BCL2L14: variants seen among roughly 807,000 people sequenced by gnomAD.
The protein encoded by BCL2L14 is apoptosis facilitator Bcl-2-like protein 14.
Under a neutral mutation model 35.3 loss-of-function variants are expected in BCL2L14, and 27 were observed. That is an observed-to-expected ratio of 0.76 (90% CI 0.56 to 1.05). The LOEUF is 1.05. BCL2L14 is among the 50% of genes least tolerant of loss of function. The pLI, the probability that BCL2L14 is intolerant of heterozygous loss-of-function variation, is 0.00. For synonymous variants in BCL2L14, 139 were observed against 145.9 expected (o/e 0.95, Z 0.34); for missense variants, 377 against 382.6 (o/e 0.99, Z 0.12).
chr12:12,060,168 C>G (rs527269612), intron 2 of BCL2L14, among the ~76,000 whole-genome samples: 2 of 151,586 alleles, frequency 1.3e-5, no homozygotes, highest in South Asian at 2.1e-4. Flanking sequence ...TCCTCACACC[C>G]GGTCCGGCTT....
chr12:12,079,273 G>A, intron 1 of BCL2L14, 26 bp from the exon 2 acceptor site: 2 of 1,594,008 alleles, frequency 1.3e-6, no homozygotes, highest in South Asian at 1.1e-5. Context: ...GCATAGAAGG[G>A]CACAGTGTGG....
At chr12:12,085,678 G>A (rs1949027134) in intron 2 of BCL2L14, among the ~76,000 whole-genome samples, 1 of 152,178 alleles carries the variant, frequency 6.6e-6, no homozygotes, top group African/African-American at 2.4e-5. Flanking sequence ...GCCTTTCCGT[G>A]AATGGCTGGA....
intron 4 of BCL2L14, among the ~76,000 whole-genome samples, chr12:12,092,624 C>T (rs1174022816): frequency 6.6e-6 from 1 of 152,132 alleles, no homozygotes; most frequent in Non-Finnish European, 1.5e-5. Context: ...GTCTTTGTGG[C>T]GTTTGATTCT....
At chr12:12,082,474 A>G in intron 2 of BCL2L14, among the ~76,000 whole-genome samples, 1 of 152,210 alleles carries the variant, frequency 6.6e-6, no homozygotes. Flanking sequence ...AGACAGAGAA[A>G]GCTTTTACAG....
chr12:12,081,886 C>T (rs993873423), intron 2 of BCL2L14, among the ~76,000 whole-genome samples: 1 of 152,120 alleles, frequency 6.6e-6, no homozygotes, highest in Non-Finnish European at 1.5e-5. Flanking sequence ...GAAAGGCCCC[C>T]TCCTGCTGAG....
At chr12:12,091,632 C>T (rs141861471) in intron 4 of BCL2L14, among the ~76,000 whole-genome samples, 8 of 152,314 alleles carry the variant, frequency 5.3e-5, no homozygotes, top group Middle Eastern at 3.4e-3. Context: ...CAAACAGCTC[C>T]TGTCTATAGC....
chr12:12,087,187 C>G, intron 2 of BCL2L14, 26 bp from the exon 3 acceptor site: 2 of 1,611,416 alleles, frequency 1.2e-6, no homozygotes, highest in Non-Finnish European at 1.7e-6. Flanking sequence ...GGAAGGGCCT[C>G]TCAGCACCAT....
intron 1 of BCL2L14, 58 bp from the exon 2 acceptor site, chr12:12,079,241 C>A (rs1948852219): frequency 3.5e-6 from 5 of 1,432,184 alleles, no homozygotes; most frequent in Non-Finnish European, 4.8e-6. Context: ...TCTCTCCTAA[C>A]CTGCAAAGGG....
intron 2 of BCL2L14, among the ~76,000 whole-genome samples, chr12:12,060,566 G>A (rs1228983211): frequency 2.6e-5 from 2 of 76,332 alleles, no homozygotes; most frequent in Non-Finnish European, 2.8e-5. Flanking sequence ...TTCACTGTGA[G>A]ACAAACCCCA....
At chr12:12,059,293 C>T (rs1472398445) in intron 2 of BCL2L14, among the ~76,000 whole-genome samples, 1 of 151,414 alleles carries the variant, frequency 6.6e-6, no homozygotes, top group East Asian at 1.9e-4. Flanking sequence ...GTGTCTCTAC[C>T]CCTTCTCCAC....
chr12:12,094,595 A>G, intron 4 of BCL2L14, 69 bp from the exon 5 acceptor site: 2 of 1,614,258 alleles, frequency 1.2e-6, no homozygotes, highest in South Asian at 2.2e-5. Context: ...CATTTGAGCT[A>G]AAGAATGAAC....
intron 2 of BCL2L14, among the ~76,000 whole-genome samples, chr12:12,084,185 CT>C (rs1948988704): frequency 6.6e-6 from 1 of 152,136 alleles, no homozygotes; most frequent in Non-Finnish European, 1.5e-5. Context: ...TCTCGAACTC[CT>C]GGCCTAAAAT....
chr12:12,075,746 T>C (rs1370437437), intron 1 of BCL2L14, among the ~76,000 whole-genome samples: 2 of 152,116 alleles, frequency 1.3e-5, no homozygotes, highest in African/African-American at 2.4e-5. Flanking sequence ...TTATGTCTCT[T>C]TTAAGCTGTA....
chr12:12,095,244 CA>C, intron 5 of BCL2L14: 1 of 985,346 alleles, frequency 1.0e-6, no homozygotes, highest in Non-Finnish European at 1.2e-6. Flanking sequence ...TCTGTTTTCA[CA>C]AATTTTGCAG....
chr12:12,051,351 C>T (rs981722589), intron 1 of BCL2L14, among the ~76,000 whole-genome samples: 1 of 152,164 alleles, frequency 6.6e-6, no homozygotes, highest in African/African-American at 2.4e-5. Flanking sequence ...ACATGGGAAC[C>T]TAAAACATCA....
At chr12:12,096,734 A>T (rs1209323626) in intron 5 of BCL2L14, among the ~76,000 whole-genome samples, 1 of 152,236 alleles carries the variant, frequency 6.6e-6, no homozygotes, top group East Asian at 1.9e-4. Flanking sequence ...AAAAGCATTG[A>T]CGTCGGTGAG....
chr12:12,058,029 C>T (rs1333392948), intron 2 of BCL2L14, among the ~76,000 whole-genome samples: 1 of 150,448 alleles, frequency 6.6e-6, no homozygotes, highest in African/African-American at 2.5e-5. Flanking sequence ...CTCACTGCAA[C>T]CTCCCCCTCC....
intron 2 of BCL2L14, among the ~76,000 whole-genome samples, chr12:12,063,130 T>G (rs1177303331): frequency 1.3e-5 from 2 of 151,396 alleles, no homozygotes; most frequent in Non-Finnish European, 2.9e-5. Flanking sequence ...CCCTACTATC[T>G]TCTGTCTAGT....
At chr12:12,092,479 G>C (rs929189337) in intron 4 of BCL2L14, among the ~76,000 whole-genome samples, 1 of 152,154 alleles carries the variant, frequency 6.6e-6, no homozygotes, top group African/African-American at 2.4e-5. Flanking sequence ...GGCTGCAGGG[G>C]ATCTGCAGAG....
Sources: gnomAD v4.1 joint callset for allele counts (sites outside exome capture counted in the v4.1 genomes callset) on GRCh38, gnomAD v4.1.1 for gene constraint, MANE v1.5 for transcripts, NCBI Gene and HGNC (gene_info 2026-07-23, HGNC 2026-07-21) for gene names.